Variants in FBXL7 observed in about 807,000 individuals in gnomAD.
The protein encoded by FBXL7 is F-box and leucine rich repeat protein 7, also known as F-box/LRR-repeat protein 7.
A neutral mutation model predicts 38.3 loss-of-function variants in FBXL7; 12 were observed. That is an observed-to-expected ratio of 0.31 (90% CI 0.20 to 0.51). The LOEUF is 0.51. Among genes scored for constraint, FBXL7 ranks in the 20% least tolerant of loss-of-function variants. FBXL7 has a pLI of 0.98. For synonymous variants in FBXL7, 297 were observed against 300.9 expected (o/e 0.99, Z 0.13); for missense variants, 567 against 676.4 (o/e 0.84, Z 1.79).
intron 2 of FBXL7, among the ~76,000 whole-genome samples, chr5:15,618,265 T>C (rs1740515833): frequency 6.6e-6 from 1 of 152,198 alleles, no homozygotes; most frequent in African/African-American, 2.4e-5. Context: ...TTTGAGCAAC[T>C]GGGCTAAATT....
chr5:15,526,451 C>T (rs994413770), intron 1 of FBXL7, among the ~76,000 whole-genome samples: 1 of 152,166 alleles, frequency 6.6e-6, no homozygotes, highest in Admixed American at 6.5e-5. Context: ...CCAAAGGCGT[C>T]TTTCGGTTGC....
At chr5:15,849,649 T>G (rs769528688) in intron 2 of FBXL7, among the ~76,000 whole-genome samples, 2 of 152,218 alleles carry the variant, frequency 1.3e-5, no homozygotes, top group Non-Finnish European at 2.9e-5. Context: ...CCACTAAACC[T>G]CTTTTTCTTT....
rs118117911 is a variant in FBXL7 at position 15,538,467 on chromosome 5, C to A, written c.37+37754C>A. 1.8e-4 allele frequency among the ~76,000 whole-genome samples: 27 copies of A among 152,244 alleles called. No individual in the cohort carries two copies. In the East Asian group the frequency reaches 5.2e-3, roughly 29 times the overall value. ...GGGGTGAACAGAAAATGCCAATAAACCCCTTTTTGTGTCTTGTACACAACA... is the reference window on the plus strand; with the variant it reads ...GGGGTGAACAGAAAATGCCAATAAAACCCTTTTTGTGTCTTGTACACAACA... On this transcript the variant is annotated intron_variant, in intron 1 of 3. Transcript: ENST00000504595.
intron 2 of FBXL7, among the ~76,000 whole-genome samples, chr5:15,630,840 C>T (rs1740971890): frequency 7.0e-6 from 1 of 142,028 alleles, no homozygotes. Flanking sequence ...AGCTGTGAAA[C>T]AAAAATTTTG....
In FBXL7 at chr5:15,911,809, T is replaced by TG. The variant is rs1486918039; in HGVS notation, c.128-16075dup. On this transcript the variant is annotated intron_variant, in intron 2 of 3. Transcript: ENST00000504595. ...GTGTGAGGTGTCAGTGTGCCCCTGC[T>TG]GGGGGGTGCCTCCCAGTTAGGCTGC... Among the ~76,000 whole-genome samples, 13 of 17,308 alleles carry TG rather than the reference T, an allele frequency of 7.5e-4. 1 individual carries two copies. The highest frequency in any genetic ancestry group is 2.4e-3 in the South Asian group (2 of 834). The allele number at this position is 17,308 out of a possible 152,430, so 11.4% of individuals were successfully genotyped here. A position where few individuals can be genotyped will look rare whatever the true frequency, so the allele number is the denominator to read the frequency against.
chr5:15,785,761 T>C (rs1737117728), intron 2 of FBXL7, among the ~76,000 whole-genome samples: 1 of 152,212 alleles, frequency 6.6e-6, no homozygotes, highest in Admixed American at 6.5e-5. Flanking sequence ...GTGATAATTC[T>C]TGGACAAAGC....
At chr5:15,758,667 A>G (rs1736361596) in intron 2 of FBXL7, among the ~76,000 whole-genome samples, 1 of 152,168 alleles carries the variant, frequency 6.6e-6, no homozygotes, top group Non-Finnish European at 1.5e-5. Flanking sequence ...CCACTTACAA[A>G]GCTTGTGATT....
intron 2 of FBXL7, among the ~76,000 whole-genome samples, chr5:15,629,711 T>C (rs1047024512): frequency 1.3e-5 from 2 of 152,182 alleles, no homozygotes; most frequent in African/African-American, 4.8e-5. Context: ...TGTGTTTTTT[T>C]CAGCTCCGTA....
chr5:15,750,266 C>T (rs1736121657), intron 2 of FBXL7, among the ~76,000 whole-genome samples: 2 of 152,256 alleles, frequency 1.3e-5, no homozygotes, highest in African/African-American at 2.4e-5. Flanking sequence ...TAAGTGAAAA[C>T]TAATAAATTA....
chr5:15,825,819 A>G (rs113091969), intron 2 of FBXL7, among the ~76,000 whole-genome samples: 2,166 of 152,336 alleles, frequency 0.014, 27 homozygotes, highest in Non-Finnish European at 0.02. Context: ...TAGCATTAGA[A>G]TTCTTTAGAC....
At chr5:15,831,087 G>T (rs919125442) in intron 2 of FBXL7, among the ~76,000 whole-genome samples, 1 of 152,136 alleles carries the variant, frequency 6.6e-6, no homozygotes, top group Non-Finnish European at 1.5e-5. Flanking sequence ...CACTTACAAG[G>T]TTAACTGGCA....
chr5:15,618,508 G>C (rs1315061500), intron 2 of FBXL7, among the ~76,000 whole-genome samples: 1 of 152,154 alleles, frequency 6.6e-6, no homozygotes, highest in East Asian at 1.9e-4. Context: ...ATGTTTGCGG[G>C]ATGATTAGTT....
intron 1 of FBXL7, among the ~76,000 whole-genome samples, chr5:15,537,206 G>C (rs1014030978): frequency 6.6e-6 from 1 of 152,118 alleles, no homozygotes; most frequent in African/African-American, 2.4e-5. Context: ...AAAATAGACT[G>C]ATACAAGTCA....
chr5:15,602,898 A>G (rs907022210), intron 1 of FBXL7, among the ~76,000 whole-genome samples: 3 of 152,222 alleles, frequency 2.0e-5, no homozygotes, highest in African/African-American at 7.2e-5. Flanking sequence ...CAGTGGCACC[A>G]TCATGGCTCA....
chr5:15,756,860 A>C (rs2126693082), intron 2 of FBXL7, among the ~76,000 whole-genome samples: 1 of 152,344 alleles, frequency 6.6e-6, no homozygotes, highest in Non-Finnish European at 1.5e-5. Flanking sequence ...TTATGGACTA[A>C]TAATAAGAAA....
At chr5:15,824,583 G>A (rs1738261072) in intron 2 of FBXL7, among the ~76,000 whole-genome samples, 1 of 152,002 alleles carries the variant, frequency 6.6e-6, no homozygotes, top group African/African-American at 2.4e-5. Flanking sequence ...GCTGAAATTA[G>A]CTATTAAAAA....
At chr5:15,517,645 G>C (rs111551206) in intron 1 of FBXL7, among the ~76,000 whole-genome samples, 15 of 152,192 alleles carry the variant, frequency 9.9e-5, no homozygotes, top group African/African-American at 3.6e-4. Context: ...TGGCAGGAGA[G>C]TCTGTGGCAA....
intron 2 of FBXL7, among the ~76,000 whole-genome samples, chr5:15,898,206 G>A (rs1741150181): frequency 6.6e-6 from 1 of 152,188 alleles, no homozygotes; most frequent in African/African-American, 2.4e-5. Context: ...GCCCCAGCCA[G>A]GGACTTCATG....
chr5:15,577,065 C>CA (rs1738988639), intron 1 of FBXL7, among the ~76,000 whole-genome samples: 3 of 152,138 alleles, frequency 2.0e-5, no homozygotes, highest in Admixed American at 2.0e-4. Context: ...TTCCAGTGTC[C>CA]TGAGATTTTA....
Sources: gnomAD v4.1 joint callset for allele counts (sites outside exome capture counted in the v4.1 genomes callset) on GRCh38, gnomAD v4.1.1 for gene constraint, MANE v1.5 for transcripts, NCBI Gene and HGNC (gene_info 2026-07-23, HGNC 2026-07-21) for gene names.